Variants in P3H1 observed in about 807,000 individuals in gnomAD.
P3H1 encodes the protein prolyl 3-hydroxylase 1, also known as growth suppressor 1.
Under a neutral mutation model 84.0 loss-of-function variants are expected in P3H1, and 69 were observed. That is an observed-to-expected ratio of 0.82 (90% CI 0.68 to 1.00). The LOEUF (loss-of-function observed/expected upper bound fraction) is 1.00, where lower values mean the gene tolerates loss of function less well. P3H1 is among the 50% of genes least tolerant of loss of function. The probability of loss-of-function intolerance (pLI) is 0.00; values close to 1 mark genes in which losing one functional copy is unlikely to be tolerated. For missense variants in P3H1, 878 were observed against 962.8 expected (o/e 0.91, Z 1.17); for synonymous variants, 366 against 388.8 (o/e 0.94, Z 0.69).
intron 6 of P3H1, 88 bp downstream of exon 6, chr1:42,755,460 C>T (rs1652345324): frequency 8.1e-7 from 1 of 1,237,272 alleles, no homozygotes; most frequent in Admixed American, 1.7e-5. Flanking sequence ...AGTTTTCTCT[C>T]AGAATCGCAC....
chr1:42,746,664 G>A lies in P3H1; in HGVS notation c.*33C>T. 3 of 1,515,784 alleles carry A rather than the reference G, an allele frequency of 2.0e-6. No individual in the cohort carries two copies. Among genetic ancestry groups the A allele is most frequent in the South Asian group, 1.2e-5 (1 of 83,280 alleles). The allele number at this position is 1,515,784 out of a possible 1,614,324, so 93.9% of individuals were successfully genotyped here. On this transcript the variant is annotated 3_prime_UTR_variant, in exon 15 of 15. Coordinates refer to ENST00000296388, the MANE Select transcript of P3H1 (RefSeq NM_022356.4). Reference sequence around the variant, plus strand: ...AGTGCAGAAGAGTTCCTCTCCATGGGTCTAGTCACCCATCCGTCTGACCTG... The same window carrying A: ...AGTGCAGAAGAGTTCCTCTCCATGGATCTAGTCACCCATCCGTCTGACCTG...
At chr1:42,758,771 T>C (rs1652537372) in intron 4 of P3H1, 81 bp downstream of exon 4, 4 of 1,500,674 alleles carry the variant, frequency 2.7e-6, no homozygotes, top group Non-Finnish European at 2.8e-6. Flanking sequence ...CTTGAGGAAG[T>C]AAGTGGCTGT....
chr1:42,758,918 G>C lies in P3H1; in HGVS notation c.874C>G (p.Arg292Gly), dbSNP rs773269078. Reference sequence around the variant, plus strand: ...AGGAAGTCTTCAAAGGGCTTCTCTCGACTTGGGTGGGAAGCAAGCTCCGTG... The same window carrying C: ...AGGAAGTCTTCAAAGGGCTTCTCTCCACTTGGGTGGGAAGCAAGCTCCGTG... ...CVTELASHPS[R>G]EKPFEDFLPS... The change falls in exon 4 of 15, where the codon CGA (arginine) becomes GGA (glycine). Residue 292 changes from arginine to glycine, a missense_variant. Arg to Gly is a moderately radical substitution (Grantham distance 125). Transcript: ENST00000296388. 6.2e-7 allele frequency: 1 copy of C among 1,613,894 alleles called. No individual in the cohort carries two copies. Among genetic ancestry groups the C allele is most frequent in the Non-Finnish European group, 8.5e-7 (1 of 1,179,902 alleles).
intron 2 of P3H1, chr1:42,761,430 T>C (rs1652713198): frequency 1.3e-5 from 2 of 152,232 alleles, no homozygotes; most frequent in South Asian, 4.1e-4. Context: ...TACTGTAACA[T>C]TTATTGTAGT....
At chr1:42,758,051 C>T in intron 4 of P3H1, 129 bp from the exon 5 acceptor site, 1 of 844,434 alleles carries the variant, frequency 1.2e-6, no homozygotes, top group Non-Finnish European at 2.0e-6. Flanking sequence ...CAAGCTGGTG[C>T]CTGCTACTTA....
intron 1 of P3H1, among the ~76,000 whole-genome samples, chr1:42,764,876 C>T (rs1308179219): frequency 2.0e-5 from 3 of 152,110 alleles, no homozygotes; most frequent in Admixed American, 1.3e-4. Flanking sequence ...TGTCTTTCAG[C>T]GCTGCTCCTG....
In P3H1 at chr1:42,755,573, A is replaced by T. The variant is rs1382038755; in HGVS notation, c.1145T>A (p.Val382Asp). 2 of 1,613,864 alleles carry T rather than the reference A, an allele frequency of 1.2e-6. No individual in the cohort carries two copies. The highest frequency in any genetic ancestry group is 2.7e-5 in the African/African-American group (2 of 74,878). ...EKELLFFAYD[V>D]FGIPFVDPDS... ...CGGATCCACAAAGGGAATTCCAAAA[A>T]CATCATAAGCGAAGAAAAGCAGTTC... is the stretch of plus-strand genomic sequence containing the variant. Residue 382 changes from valine (V) to aspartate (D), a missense_variant, in exon 6 of 15, where the codon GTT becomes GAT. Physicochemically the swap from Val to Asp is radical, Grantham distance 152. Transcript: ENST00000296388.
chr1:42,750,218 T>A lies in P3H1; in HGVS notation c.1688A>T (p.Tyr563Phe). Residue 563 changes from tyrosine to phenylalanine, a missense_variant, in exon 11 of 15, where the codon TAC (tyrosine) becomes TTC (phenylalanine). Tyr to Phe is a conservative substitution (Grantham distance 22, BLOSUM62 3). Transcript: ENST00000296388. The stretch of plus-strand genomic sequence containing the variant: ...GGCAGTGCGGCACACCAGATGAGAG[T>A]AGGAAAAGTAGAGGGGCGTATCCAG... The part of the protein sequence containing the change: ...FRLDTPLYFS[Y>F]SHLVCRTAIE... 1 of 1,610,518 alleles carries A rather than the reference T, an allele frequency of 6.2e-7. No individual in the cohort carries two copies. The highest frequency in any genetic ancestry group is 1.4e-5 in the African/African-American group (1 of 73,954).
chr1:42,757,650 C>G, intron 5 of P3H1, 133 bp downstream of exon 5: 1 of 1,311,636 alleles, frequency 7.6e-7, no homozygotes, highest in Non-Finnish European at 1.1e-6. Context: ...TGACTGAACT[C>G]ACATCTGGCC....
Position 42,746,689 on chromosome 1 carries a change from G to A in P3H1, c.*8C>T. On this transcript the variant is annotated 3_prime_UTR_variant, in exon 15 of 15. Coordinates refer to ENST00000296388, the MANE Select transcript of P3H1 (RefSeq NM_022356.4). ...GTCTAGTCACCCATCCGTCTGACCTGGACGCTGTCATAGCTCATCCTTGGG... is the reference window on the plus strand; with the variant it reads ...GTCTAGTCACCCATCCGTCTGACCTAGACGCTGTCATAGCTCATCCTTGGG... The A allele has an allele frequency of 6.5e-7, 1 of 1,548,862 alleles. No individual in the cohort carries two copies.
intron 5 of P3H1, among the ~76,000 whole-genome samples, chr1:42,756,785 G>A (rs998374686): frequency 2.0e-5 from 3 of 152,206 alleles, no homozygotes; most frequent in Non-Finnish European, 4.4e-5. Flanking sequence ...TCCAAGCAGG[G>A]AACAGATTCC....
At chr1:42,749,362 G>A (rs1651906310) in intron 11 of P3H1, among the ~76,000 whole-genome samples, 1 of 152,180 alleles carries the variant, frequency 6.6e-6, no homozygotes, top group Non-Finnish European at 1.5e-5. Flanking sequence ...CCTGCTGGAG[G>A]CTCCAGTATG....
At chr1:42,759,486 C>T (rs968014424) in intron 2 of P3H1, 96 bp from the exon 3 acceptor site, 4 of 1,080,204 alleles carry the variant, frequency 3.7e-6, no homozygotes, top group Non-Finnish European at 5.5e-6. Flanking sequence ...ATTTCCTGTT[C>T]CTCAGGTTAT....
chr1:42,750,366 T>G (rs1651969222), intron 10 of P3H1, 30 bp from the exon 11 acceptor site: 6 of 1,613,076 alleles, frequency 3.7e-6, no homozygotes, highest in Non-Finnish European at 5.1e-6. Flanking sequence ...TCAGCTGCCC[T>G]CAACGACTGA....
rs113170819 is a variant in P3H1 at position 42,759,011 on chromosome 1, C to T, written c.809-28G>A. On this transcript the variant is annotated intron_variant, in intron 3 of 14. Coordinates refer to ENST00000296388, the MANE Select transcript of P3H1 (RefSeq NM_022356.4). ...GAAAGGAATCAAACAGAAGGAATAA[C>T]TATGAGGTCACTCTTTAGAACTCAA... 54 of 1,613,842 alleles carry T rather than the reference C, an allele frequency of 3.3e-5. 2 individuals carry two copies. In the African/African-American group the frequency reaches 4.9e-4, roughly 15 times the overall value.
chr1:42,762,778 G>A (rs1652787786), intron 1 of P3H1, among the ~76,000 whole-genome samples: 1 of 152,162 alleles, frequency 6.6e-6, no homozygotes, highest in African/African-American at 2.4e-5. Flanking sequence ...GGAGTGCTGT[G>A]AAAGACTGAC....
rs377488279 is a variant in P3H1, at chr1:42,755,526, C to T, written c.1170+22G>A. ...TGCTCACTCTTTCCCCGCTCCCTTC[C>T]GGCTCCTGTACCCTAGCTCACCGGA... On this transcript the variant is annotated intron_variant, in intron 6 of 14. Coordinates refer to ENST00000296388, the MANE Select transcript of P3H1 (RefSeq NM_022356.4). 6.1e-5 allele frequency: 97 copies of T among 1,588,682 alleles called. No individual in the cohort carries two copies. In the African/African-American group the frequency reaches 1.0e-3, roughly 17 times the overall value.
intron 10 of P3H1, chr1:42,751,825 C>T (rs777085555): frequency 8.5e-6 from 2 of 234,130 alleles, no homozygotes; most frequent in South Asian, 6.4e-5. Context: ...CGGACTAACA[C>T]AACGCCCCTC....
chr1:42,758,854 T>C lies in P3H1; in HGVS notation c.938A>G (p.Asn313Ser), dbSNP rs766004011. The C allele has an allele frequency of 1.2e-6, 2 of 1,614,108 alleles. No individual in the cohort carries two copies. Among genetic ancestry groups the C allele is most frequent in the Admixed American group, 3.3e-5 (2 of 60,024 alleles). ...HYNYLQFAYY[N>S]IGNYTQAVEC... ...AGAGGAAGGAAAGTAGGCCTTACTG[T>C]TATAGTAGGCAAACTGCAGATAATT... is the stretch of plus-strand genomic sequence containing the variant. Residue 313 changes from asparagine (N) to serine (S), a missense_variant and splice_region_variant, in exon 4 of 15, where the codon AAC (asparagine) becomes AGC (serine). Asn to Ser is a conservative substitution (Grantham distance 46, BLOSUM62 1). Coordinates refer to ENST00000296388, the MANE Select transcript of P3H1 (RefSeq NM_022356.4).
Sources: gnomAD v4.1 joint callset for allele counts (sites outside exome capture counted in the v4.1 genomes callset) on GRCh38, gnomAD v4.1.1 for gene constraint, MANE v1.5 for transcripts, NCBI Gene and HGNC (gene_info 2026-07-23, HGNC 2026-07-21) for gene names.